The following CDK19 variants were observed in gnomAD, a reference collection of about 807,000 sequenced individuals.
CDK19 encodes the protein cyclin-dependent kinase 19.
A neutral mutation model predicts 68.3 loss-of-function variants in CDK19; 20 were observed. The observed-to-expected ratio is 0.29, with a 90% confidence interval of 0.21 to 0.43. CDK19 has a LOEUF of 0.43. Ranked by LOEUF, CDK19 falls within the 20% of genes least tolerant of loss-of-function variation. The pLI is 1.00. For missense variants in CDK19, 339 were observed against 623.5 expected (o/e 0.54, Z 4.86); for synonymous variants, 221 against 222.8 (o/e 0.99, Z 0.07).
intron 12 of CDK19, among the ~76,000 whole-genome samples, chr6:110,616,906 A>G (rs2817804): frequency 0.53 from 79,800 of 151,916 alleles, 22,114 homozygotes; most frequent in East Asian, 0.88. Flanking sequence ...TTAATGACAA[A>G]GGGTTTTTTA....
At chr6:110,757,493 C>T (rs191028908) in intron 1 of CDK19, among the ~76,000 whole-genome samples, 1 of 152,162 alleles carries the variant, frequency 6.6e-6, no homozygotes, top group South Asian at 2.1e-4. Flanking sequence ...TAAAAGTTTA[C>T]TTGTGGGACA....
chr6:110,756,314 C>T (rs974756235), intron 1 of CDK19, among the ~76,000 whole-genome samples: 1 of 150,880 alleles, frequency 6.6e-6, no homozygotes, highest in Non-Finnish European at 1.5e-5. Context: ...TACTTGAACT[C>T]GGGAGGCAGA....
At chr6:110,696,827 G>A (rs1562207041) in intron 2 of CDK19, among the ~76,000 whole-genome samples, 1 of 151,990 alleles carries the variant, frequency 6.6e-6, no homozygotes, top group Non-Finnish European at 1.5e-5. Context: ...GAGGCTGAGG[G>A]TGGGGCGGAT....
At chr6:110,755,004 G>A (rs1778739869) in intron 1 of CDK19, among the ~76,000 whole-genome samples, 2 of 150,220 alleles carry the variant, frequency 1.3e-5, no homozygotes, top group Admixed American at 1.3e-4. Context: ...TTTTGAGATG[G>A]AATTTCAGAA....
intron 4 of CDK19, among the ~76,000 whole-genome samples, chr6:110,642,016 T>C (rs1415063256): frequency 6.6e-6 from 1 of 152,030 alleles, no homozygotes; most frequent in African/African-American, 2.4e-5. Flanking sequence ...ATTAAGGAAA[T>C]TGGAGGCTGG....
At chr6:110,683,099 C>A (rs1772154588) in intron 2 of CDK19, among the ~76,000 whole-genome samples, 2 of 150,132 alleles carry the variant, frequency 1.3e-5, no homozygotes. Flanking sequence ...TCACTTGAAC[C>A]CAGGAGGCGG....
chr6:110,640,178 G>T (rs1033368162), intron 4 of CDK19, among the ~76,000 whole-genome samples: 3 of 144,800 alleles, frequency 2.1e-5, no homozygotes, highest in African/African-American at 7.7e-5. Context: ...ACTACTGTGA[G>T]CCATGATTAT....
chr6:110,730,278 A>G (rs942509185), intron 2 of CDK19, among the ~76,000 whole-genome samples: 2 of 152,214 alleles, frequency 1.3e-5, no homozygotes, highest in African/African-American at 4.8e-5. Flanking sequence ...ATCCTAATCA[A>G]CCCAAAGACA....
At chr6:110,643,231 A>G in intron 4 of CDK19, 4 of 1,274,858 alleles carry the variant, frequency 3.1e-6, no homozygotes, top group Non-Finnish European at 4.1e-6. Flanking sequence ...TTTTCCAGCT[A>G]AAAGACACAG....
chr6:110,646,533 T>A (rs1780593009), intron 4 of CDK19: 2 of 1,238,398 alleles, frequency 1.6e-6, no homozygotes, highest in Non-Finnish European at 2.2e-6. Flanking sequence ...CGCCTCCACC[T>A]GCAACAGGTG....
intron 4 of CDK19, among the ~76,000 whole-genome samples, chr6:110,659,666 T>C (rs892392089): frequency 4.6e-5 from 7 of 152,156 alleles, no homozygotes; most frequent in Non-Finnish European, 8.8e-5. Flanking sequence ...TGGACCTCAA[T>C]TGAATATATC....
At chr6:110,626,333 G>A (rs1231597278) in intron 8 of CDK19, among the ~76,000 whole-genome samples, 2 of 152,094 alleles carry the variant, frequency 1.3e-5, no homozygotes, top group Non-Finnish European at 2.9e-5. Context: ...ATCTACATCT[G>A]TTTTTTAAAA....
At chr6:110,773,905 G>A (rs1780211965) in intron 1 of CDK19, 1 of 152,094 alleles carries the variant, frequency 6.6e-6, no homozygotes, top group South Asian at 2.1e-4. Flanking sequence ...TACCTCCAAC[G>A]CTTGAGGTCC....
In CDK19 at chr6:110,616,232, A is replaced by G. The variant is rs926974255; in HGVS notation, c.1378-1566T>C. Among the ~76,000 whole-genome samples the G allele has an allele frequency of 2.2e-4, 34 of 152,192 alleles. 1 individual carries two copies. Among genetic ancestry groups the G allele is most frequent in the Admixed American group, 1.4e-3 (21 of 15,284 alleles). ...CGGGCGGTTACACTTTGAGTTAAAC[A>G]TGTAAATTATCTTGAGGTGGCACTG... On this transcript the variant is annotated intron_variant, in intron 12 of 12. Coordinates refer to ENST00000368911, the MANE Select transcript of CDK19 (RefSeq NM_015076.5).
At position 110,815,109 on chromosome 6, in the gene CDK19, C is replaced by T. The variant is rs1562311725; in HGVS notation, c.28G>A (p.Ala10Thr). The change falls in exon 1 of 13, where the codon GCG becomes ACG. Residue 10 changes from alanine to threonine, a missense_variant. Around this residue, in one of 4 missense-constraint regions of CDK19, gnomAD observed 120 missense variants for 224.0 expected, o/e 0.54. Coordinates refer to ENST00000368911, the MANE Select transcript of CDK19 (RefSeq NM_015076.5). ...TCCTCCACCCGCTCCCGCTCCGCCG[C>T]CAGCTTCGCCTTGAAATCATAATCC... is the stretch of plus-strand genomic sequence containing the variant. MDYDFKAKL[A>T]AERERVEDLF... 1 of 1,602,512 alleles carries T rather than the reference C, an allele frequency of 6.2e-7. No individual in the cohort carries two copies. Among genetic ancestry groups the T allele is most frequent in the Non-Finnish European group, 8.5e-7 (1 of 1,175,528 alleles).
At chr6:110,675,336 T>C (rs180948735) in intron 2 of CDK19, among the ~76,000 whole-genome samples, 38 of 152,178 alleles carry the variant, frequency 2.5e-4, no homozygotes, top group Non-Finnish European at 4.7e-4. Flanking sequence ...CCTTAAGAAT[T>C]ATGCTAAATG....
intron 2 of CDK19, among the ~76,000 whole-genome samples, chr6:110,745,086 T>C (rs1050307924): frequency 6.6e-6 from 1 of 152,212 alleles, no homozygotes; most frequent in Non-Finnish European, 1.5e-5. Flanking sequence ...AGATGTGATA[T>C]TATGGTAAAG....
chr6:110,770,202 G>T (rs925974616), intron 1 of CDK19, among the ~76,000 whole-genome samples: 4 of 152,136 alleles, frequency 2.6e-5, no homozygotes, highest in African/African-American at 9.7e-5. Flanking sequence ...TTCACATAAG[G>T]TGTATATCCT....
chr6:110,623,843 CATATATACATATATATACATATATAGT>C (rs1778894092), intron 8 of CDK19, among the ~76,000 whole-genome samples: 1 of 145,716 alleles, frequency 6.9e-6, no homozygotes, highest in Non-Finnish European at 1.5e-5. Context: ...TATATATACA[CATATATACATATATATACATATATAGT>C]ATATATACGT....
Sources: allele counts gnomAD v4.1 joint callset (sites outside exome capture counted in the v4.1 genomes callset), GRCh38; gene constraint gnomAD v4.1.1; regional missense constraint gnomAD v4.1.1; transcripts MANE v1.5; gene names NCBI Gene and HGNC (gene_info 2026-07-23, HGNC 2026-07-21).